BBS9: variants seen among roughly 807,000 people sequenced by gnomAD.
BBS9 encodes protein PTHB1.
In BBS9, 89 loss-of-function variants were observed where a neutral mutation model predicts 117.7. That is an observed-to-expected ratio of 0.76 (90% CI 0.64 to 0.90). The LOEUF is 0.90. Among genes scored for constraint, BBS9 ranks in the 40% least tolerant of loss-of-function variants. BBS9 has a pLI of 0.00. For synonymous variants in BBS9, 379 were observed against 370.9 expected, an observed-to-expected ratio of 1.02 and a Z score of -0.25; for missense variants, 982 against 1,042.2, an observed-to-expected ratio of 0.94 and a Z score of 0.80.
intron 19 of BBS9, among the ~76,000 whole-genome samples, chr7:33,434,685 C>T (rs568164497): frequency 6.6e-6 from 1 of 152,078 alleles, no homozygotes; most frequent in African/African-American, 2.4e-5. Flanking sequence ...TTCATAGAAC[C>T]ATTTAGTGAC....
chr7:33,374,332 A>G (rs1278689334), intron 17 of BBS9, among the ~76,000 whole-genome samples: 4 of 152,192 alleles, frequency 2.6e-5, no homozygotes, highest in African/African-American at 9.6e-5. Flanking sequence ...GGGCTCTGTG[A>G]CAGTCCTTTA....
At chr7:33,362,018 A>G (rs906438358) in intron 16 of BBS9, among the ~76,000 whole-genome samples, 3 of 152,128 alleles carry the variant, frequency 2.0e-5, no homozygotes, top group African/African-American at 4.8e-5. Flanking sequence ...ATCACTGCCA[A>G]AAGTTTCCTT....
chr7:33,564,410 G>A (rs747841424), intron 21 of BBS9, among the ~76,000 whole-genome samples: 3 of 152,130 alleles, frequency 2.0e-5, no homozygotes, highest in Middle Eastern at 3.2e-3. Context: ...TATCACTTAC[G>A]TTGCCATGTG....
chr7:33,528,640 C>T (rs917956789), intron 20 of BBS9, among the ~76,000 whole-genome samples: 5 of 152,104 alleles, frequency 3.3e-5, no homozygotes, highest in African/African-American at 4.8e-5. Flanking sequence ...TTCAGAGTGC[C>T]GTACCACTTA....
chr7:33,566,246 A>C (rs1856915228), intron 21 of BBS9, among the ~76,000 whole-genome samples: 1 of 151,886 alleles, frequency 6.6e-6, no homozygotes, highest in South Asian at 2.1e-4. Flanking sequence ...GCAGACAAGA[A>C]TTAATGCTTT....
At chr7:33,454,059 T>C (rs1838288112) in intron 19 of BBS9, among the ~76,000 whole-genome samples, 1 of 152,126 alleles carries the variant, frequency 6.6e-6, no homozygotes, top group Admixed American at 6.5e-5. Context: ...TTACTCTGGA[T>C]GGAACATGGC....
intron 9 of BBS9, among the ~76,000 whole-genome samples, chr7:33,327,525 C>T (rs991500518): frequency 8.6e-5 from 13 of 152,008 alleles, no homozygotes; most frequent in Admixed American, 5.2e-4. Flanking sequence ...ATAGCAAGAC[C>T]CTATATCTAA....
At position 33,492,213 on chromosome 7, in the gene BBS9, A is replaced by C. The variant is rs868278172; in HGVS notation, c.2116-13250A>C. Among the ~76,000 whole-genome samples, 428 of 144,196 alleles carry C rather than the reference A, an allele frequency of 3.0e-3. 29 individuals carry two copies. Among genetic ancestry groups the C allele is most frequent in the African/African-American group, 0.011 (414 of 36,228 alleles). 94.6% of individuals were successfully genotyped at this position (144,196 alleles called of 152,430 possible). On this transcript the variant is annotated intron_variant, in intron 19 of 22. Coordinates refer to ENST00000242067, the MANE Select transcript of BBS9 (RefSeq NM_198428.3). ...GCAAGATTCCACCTCGAAAAAAAAA[A>C]CAAAAAAAAAACAAAAAAAAAACTT...
chr7:33,519,764 A>G (rs1157818586), intron 20 of BBS9, among the ~76,000 whole-genome samples: 1 of 152,192 alleles, frequency 6.6e-6, no homozygotes, highest in African/African-American at 2.4e-5. Context: ...ATGATAACAG[A>G]TTGAAAGACA....
chr7:33,473,413 T>C (rs553651283), intron 19 of BBS9, among the ~76,000 whole-genome samples: 10 of 141,912 alleles, frequency 7.0e-5, no homozygotes, highest in African/African-American at 2.6e-4. Flanking sequence ...AACTTCCGCC[T>C]CCTGGGTTCA....
intron 4 of BBS9, among the ~76,000 whole-genome samples, chr7:33,159,010 A>G (rs1460839054): frequency 6.6e-6 from 1 of 152,112 alleles, no homozygotes; most frequent in Non-Finnish European, 1.5e-5. Flanking sequence ...GGTTTACCTT[A>G]TTTGAACATA....
chr7:33,207,477 C>T (rs955337607), intron 5 of BBS9, among the ~76,000 whole-genome samples: 4 of 150,468 alleles, frequency 2.7e-5, no homozygotes, highest in African/African-American at 9.7e-5. Context: ...TTAAATTGTC[C>T]CAGATTTGGC....
chr7:33,476,098 A>AT (rs917406020), intron 19 of BBS9, among the ~76,000 whole-genome samples: 5 of 152,162 alleles, frequency 3.3e-5, no homozygotes, highest in East Asian at 3.8e-4. Flanking sequence ...TAGTAAAATA[A>AT]TTTTTTTACA....
intron 4 of BBS9, among the ~76,000 whole-genome samples, chr7:33,171,132 G>T (rs1046706227): frequency 2.6e-5 from 4 of 152,130 alleles, no homozygotes; most frequent in Non-Finnish European, 5.9e-5. Flanking sequence ...TGAAAAAAGA[G>T]CCCGCATCGC....
At chr7:33,569,059 T>C (rs1480477542) in intron 21 of BBS9, among the ~76,000 whole-genome samples, 2 of 152,138 alleles carry the variant, frequency 1.3e-5, no homozygotes, top group Non-Finnish European at 2.9e-5. Flanking sequence ...AAAACCAGGA[T>C]GTAGGGGAAC....
At chr7:33,602,587 G>C (rs1863966157) in intron 21 of BBS9, among the ~76,000 whole-genome samples, 1 of 152,172 alleles carries the variant, frequency 6.6e-6, no homozygotes, top group Non-Finnish European at 1.5e-5. Context: ...AATTAGCTGG[G>C]CATGGTGGCG....
At chr7:33,371,110 A>C (rs1240637662) in intron 17 of BBS9, among the ~76,000 whole-genome samples, 1 of 152,162 alleles carries the variant, frequency 6.6e-6, no homozygotes, top group African/African-American at 2.4e-5. Context: ...CCTTTTGTTG[A>C]GGAGATGCAC....
At chr7:33,351,753 C>T (rs1191782206) in intron 14 of BBS9, among the ~76,000 whole-genome samples, 1 of 152,092 alleles carries the variant, frequency 6.6e-6, no homozygotes, top group African/African-American at 2.4e-5. Flanking sequence ...GGGTTTCCAC[C>T]TCACAAATTG....
At position 33,206,482 on chromosome 7, in the gene BBS9, C is replaced by CCCAGGCAAA. The variant is rs1786950366; in HGVS notation, c.442+28893_442+28894insAGGCAAACC. ...GGTTAAAAATAAGACGTAACTTTAT[C>CCCAGGCAAA]CCTTTACCCAGGTTTGCCTATTGTT... On this transcript the variant is annotated intron_variant, in intron 5 of 22. Transcript: ENST00000242067. Among the ~76,000 whole-genome samples the CCCAGGCAAA allele has an allele frequency of 2.0e-5, 3 of 152,156 alleles. No homozygotes were observed. In the East Asian group the frequency reaches 5.8e-4, roughly 29 times the overall value.
Sources: allele counts gnomAD v4.1 joint callset (sites outside exome capture counted in the v4.1 genomes callset), GRCh38; gene constraint gnomAD v4.1.1; transcripts MANE v1.5; gene names NCBI Gene and HGNC (gene_info 2026-07-23, HGNC 2026-07-21).